ELMO1: variants seen among roughly 807,000 people sequenced by gnomAD.
The protein encoded by ELMO1 is engulfment and cell motility 1.
Under a neutral mutation model 98.9 loss-of-function variants are expected in ELMO1, and 26 were observed. The observed-to-expected ratio is 0.26, with a 90% CI of 0.19 to 0.36. The LOEUF (loss-of-function observed/expected upper bound fraction) is 0.36, where lower values mean the gene tolerates loss of function less well. ELMO1 is among the 10% of genes least tolerant of loss of function. The pLI, the probability that ELMO1 is intolerant of heterozygous loss-of-function variation, is 1.00. For missense variants in ELMO1, 627 were observed against 935.2 expected (o/e 0.67, Z 4.30); for synonymous variants, 346 against 346.0 (o/e 1.00, Z 0.00).
chr7:37,411,182 T>C (rs1200670591), intron 1 of ELMO1, among the ~76,000 whole-genome samples: 2 of 152,234 alleles, frequency 1.3e-5, no homozygotes, highest in Non-Finnish European at 2.9e-5. Context: ...GTCCCACAGA[T>C]ATTAATACTG....
chr7:36,905,515 T>C (rs1783900072), intron 16 of ELMO1, among the ~76,000 whole-genome samples: 1 of 152,220 alleles, frequency 6.6e-6, no homozygotes, highest in Non-Finnish European at 1.5e-5. Flanking sequence ...AAAAACAAGA[T>C]GCTAGGAATG....
Position 37,259,328 on chromosome 7 carries a change from T to C in ELMO1, c.266A>G (p.His89Arg), listed in dbSNP as rs1375426472. The C allele has an allele frequency of 1.2e-6, 2 of 1,613,958 alleles. No individual in the cohort carries two copies. The highest frequency in any genetic ancestry group is 4.5e-5 in the East Asian group (2 of 44,894). ...CATACTCGAGGACTGGATTCGTTCA[T>C]GGAGCTGCTGGGCGTTCTGAGCCTT... ...TSPAQNAQQL[H>R]ERIQSSSMDA... The change falls in exon 6 of 22, where the codon CAT becomes CGT. Residue 89 changes from histidine (H) to arginine (R), a missense_variant. Physicochemically the swap from His to Arg is conservative, Grantham distance 29. Coordinates refer to ENST00000310758, the MANE Select transcript of ELMO1 (RefSeq NM_014800.11).
chr7:37,189,205 G>A (rs1271504998), intron 13 of ELMO1, among the ~76,000 whole-genome samples: 1 of 152,178 alleles, frequency 6.6e-6, no homozygotes, highest in African/African-American at 2.4e-5. Flanking sequence ...GATTCAAACT[G>A]CATTGCCATG....
chr7:36,985,028 A>C (rs947500497), intron 16 of ELMO1: 62 of 985,260 alleles, frequency 6.3e-5, no homozygotes, highest in Non-Finnish European at 7.5e-5. Context: ...CCCTACAGGC[A>C]AAGAGTTTCT....
chr7:37,267,241 G>A (rs552874922), intron 5 of ELMO1, among the ~76,000 whole-genome samples: 1 of 152,192 alleles, frequency 6.6e-6, no homozygotes, highest in African/African-American at 2.4e-5. Context: ...TATACAGGAT[G>A]TTCTGCAACC....
intron 15 of ELMO1, among the ~76,000 whole-genome samples, chr7:37,067,440 T>C (rs1389818690): frequency 6.6e-6 from 1 of 152,244 alleles, no homozygotes; most frequent in African/African-American, 2.4e-5. Context: ...AAGTATTTTC[T>C]TCTTATACTT....
chr7:37,394,043 T>C (rs1199493204), intron 1 of ELMO1: 3 of 152,228 alleles, frequency 2.0e-5, no homozygotes, highest in African/African-American at 7.2e-5. Context: ...AACTTTTTGA[T>C]GCAAGAAATA....
intron 1 of ELMO1, among the ~76,000 whole-genome samples, chr7:37,413,545 T>G (rs916247652): frequency 2.0e-5 from 3 of 152,224 alleles, no homozygotes; most frequent in Non-Finnish European, 2.9e-5. Context: ...TATTTTTCAC[T>G]TCTCAGAAGA....
chr7:37,014,361 T>C (rs1485497365), intron 15 of ELMO1, among the ~76,000 whole-genome samples: 1 of 152,034 alleles, frequency 6.6e-6, no homozygotes, highest in African/African-American at 2.4e-5. Context: ...CTAAGGTTTT[T>C]AAAAAATAAA....
At position 37,212,024 on chromosome 7, in the gene ELMO1, A is replaced by T. The variant is rs143322990; in HGVS notation, c.955-507T>A. ...TGGATGAACAAAATGTGGTGTGGAC[A>T]TACAATGGGATACTATCCAGGCTTT... On this transcript the variant is annotated intron_variant, in intron 12 of 21. Transcript: ENST00000310758. 3.9e-5 allele frequency among the ~76,000 whole-genome samples: 6 copies of T among 152,358 alleles called. No homozygotes were observed. The East Asian group carries it at 1.2e-3, about 29-fold the overall frequency.
chr7:37,301,822 C>A (rs1433529761), intron 4 of ELMO1, among the ~76,000 whole-genome samples: 1 of 152,140 alleles, frequency 6.6e-6, no homozygotes, highest in Non-Finnish European at 1.5e-5. Flanking sequence ...TTCCCCCACC[C>A]CACGTTTAAA....
intron 15 of ELMO1, among the ~76,000 whole-genome samples, chr7:37,036,606 T>C (rs1353947612): frequency 6.6e-6 from 1 of 152,114 alleles, no homozygotes; most frequent in Non-Finnish European, 1.5e-5. Context: ...CTCAAACTCC[T>C]AACCTCAAGT....
chr7:37,289,584 T>C (rs1797570845), intron 4 of ELMO1, among the ~76,000 whole-genome samples: 1 of 152,094 alleles, frequency 6.6e-6, no homozygotes, highest in Non-Finnish European at 1.5e-5. Context: ...TTCCCAGAAA[T>C]GCACCTGCTC....
chr7:37,026,360 A>T (rs892954603), intron 15 of ELMO1, among the ~76,000 whole-genome samples: 2 of 152,160 alleles, frequency 1.3e-5, no homozygotes, highest in Non-Finnish European at 2.9e-5. Flanking sequence ...GAGCTGGCAA[A>T]ATGGGCTAAA....
At chr7:36,997,378 C>T (rs1390621737) in intron 16 of ELMO1, among the ~76,000 whole-genome samples, 1 of 152,084 alleles carries the variant, frequency 6.6e-6, no homozygotes. Flanking sequence ...GGCATGTGTT[C>T]CTGCACAGAG....
In ELMO1 at chr7:36,878,082, T is replaced by C; in HGVS notation, c.1750A>G (p.Lys584Glu). The C allele has an allele frequency of 6.2e-7, 1 of 1,614,108 alleles. No individual in the cohort carries two copies. The highest frequency in any genetic ancestry group is 8.5e-7 in the Non-Finnish European group (1 of 1,179,954). ...TCTAAGTCTCCGTAATGCAGGACTTTGTGATTTGGCGAAAGCCGACAATAC... is the reference window on the plus strand; with the variant it reads ...TCTAAGTCTCCGTAATGCAGGACTTCGTGATTTGGCGAAAGCCGACAATAC... ...FWYCRLSPNH[K>E]VLHYGDLEES... Residue 584 changes from lysine to glutamate, a missense_variant, in exon 19 of 22, where the codon AAA (lysine) becomes GAA (glutamate). Physicochemically the swap from Lys to Glu is moderately conservative, Grantham distance 56. Around this residue, in one of 3 missense-constraint regions of ELMO1, gnomAD observed 492 missense variants for 715.6 expected, o/e 0.69. Transcript: ENST00000310758.
chr7:37,122,614 C>A (rs144081587), intron 14 of ELMO1, among the ~76,000 whole-genome samples: 3 of 152,188 alleles, frequency 2.0e-5, no homozygotes, highest in African/African-American at 7.2e-5. Context: ...GCACCCAATA[C>A]AGGAGCACCA....
chr7:37,270,104 G>C (rs1440067738), intron 5 of ELMO1: 1 of 152,128 alleles, frequency 6.6e-6, no homozygotes, highest in Admixed American at 6.5e-5. Flanking sequence ...CTTTTAGCAG[G>C]ATAATCAGAA....
At chr7:36,876,232 G>A (rs566248467) in intron 19 of ELMO1, among the ~76,000 whole-genome samples, 2 of 152,250 alleles carry the variant, frequency 1.3e-5, no homozygotes, top group East Asian at 1.9e-4. Context: ...GCAGAAAAAC[G>A]AGAATGCTGG....
Sources: allele counts gnomAD v4.1 joint callset (sites outside exome capture counted in the v4.1 genomes callset), GRCh38; gene constraint gnomAD v4.1.1; regional missense constraint gnomAD v4.1.1; transcripts MANE v1.5; gene names NCBI Gene and HGNC (gene_info 2026-07-23, HGNC 2026-07-21).